The following NCKAP5 variants were observed in gnomAD, a reference collection of about 807,000 sequenced individuals.
NCKAP5 encodes the protein nck-associated protein 5.
A neutral mutation model predicts 167.0 loss-of-function variants in NCKAP5; 92 were observed. The ratio of observed to expected loss-of-function variants is 0.55; its 90% confidence interval spans 0.47 to 0.66. The LOEUF (loss-of-function observed/expected upper bound fraction) is 0.66. NCKAP5 is among the 30% of genes least tolerant of loss of function. NCKAP5 has a pLI of 0.00. For synonymous variants in NCKAP5, 891 were observed against 877.4 expected (o/e 1.02, Z -0.27); for missense variants, 2,378 against 2,315.0 (o/e 1.03, Z -0.56).
At chr2:133,051,392 T>C (rs957200444) in intron 6 of NCKAP5, among the ~76,000 whole-genome samples, 1 of 152,210 alleles carries the variant, frequency 6.6e-6, no homozygotes, top group Non-Finnish European at 1.5e-5. Flanking sequence ...CCAGAAATTA[T>C]TTTTCATCTC....
chr2:133,133,696 C>A (rs1411452465), intron 5 of NCKAP5, among the ~76,000 whole-genome samples: 1 of 152,056 alleles, frequency 6.6e-6, no homozygotes, highest in Non-Finnish European at 1.5e-5. Flanking sequence ...GCAAACTCTG[C>A]AAAAAATATC....
intron 4 of NCKAP5, among the ~76,000 whole-genome samples, chr2:133,246,266 A>G (rs1395648177): frequency 2.0e-5 from 3 of 152,122 alleles, no homozygotes; most frequent in African/African-American, 7.2e-5. Flanking sequence ...TGGAAAAAAA[A>G]AAAATCACTG....
At chr2:133,172,294 C>A (rs889591235) in intron 5 of NCKAP5, among the ~76,000 whole-genome samples, 10 of 152,168 alleles carry the variant, frequency 6.6e-5, no homozygotes, top group African/African-American at 2.4e-4. Context: ...GAGAACAAAA[C>A]AAATAACCCT....
At chr2:133,463,314 G>A (rs1389292965) in intron 3 of NCKAP5, among the ~76,000 whole-genome samples, 2 of 152,152 alleles carry the variant, frequency 1.3e-5, no homozygotes, top group African/African-American at 4.8e-5. Context: ...GACTCCAGAT[G>A]CATGCATATT....
chr2:133,652,870 C>T, the NCKAP5 span, among the ~76,000 whole-genome samples: 2 of 152,236 alleles, frequency 1.3e-5, no homozygotes, highest in Admixed American at 6.5e-5. Flanking sequence ...TCAGCACTCA[C>T]ACTGACTTTG....
At chr2:133,278,433 C>A (rs2089816032) in intron 4 of NCKAP5, among the ~76,000 whole-genome samples, 1 of 152,110 alleles carries the variant, frequency 6.6e-6, no homozygotes, top group South Asian at 2.1e-4. Context: ...ATGTCTCTTA[C>A]CCTTTTCTGT....
At chr2:133,247,612 T>C (rs2088067075) in intron 4 of NCKAP5, among the ~76,000 whole-genome samples, 1 of 152,192 alleles carries the variant, frequency 6.6e-6, no homozygotes. Context: ...CATCCATGAA[T>C]AGTTAAAGAC....
chr2:133,229,919 G>A (rs2087065888), intron 4 of NCKAP5, among the ~76,000 whole-genome samples: 1 of 151,888 alleles, frequency 6.6e-6, no homozygotes, highest in South Asian at 2.1e-4. Flanking sequence ...CCACGTACCA[G>A]CTCACTGGCT....
At chr2:133,038,846 T>A (rs889796097) in intron 6 of NCKAP5, among the ~76,000 whole-genome samples, 1 of 152,118 alleles carries the variant, frequency 6.6e-6, no homozygotes, top group South Asian at 2.1e-4. Context: ...TAGGTAATAG[T>A]CACAGGTTCT....
At chr2:133,333,933 G>C (rs1559392575) in intron 3 of NCKAP5, 1 of 152,124 alleles carries the variant, frequency 6.6e-6, no homozygotes, top group African/African-American at 2.4e-5. Flanking sequence ...ATATAGAAGG[G>C]AAAAAAATTA....
chr2:133,414,258 T>A (rs1308600021), intron 3 of NCKAP5, among the ~76,000 whole-genome samples: 1 of 152,206 alleles, frequency 6.6e-6, no homozygotes, highest in Non-Finnish European at 1.5e-5. Context: ...GACACAAGGT[T>A]TAACTGGAAC....
chr2:133,236,070 C>CAAAAAAAAAAAA lies in NCKAP5; in HGVS notation c.144-22303_144-22292dup, dbSNP rs527705526. Among the ~76,000 whole-genome samples, 18 of 15,674 alleles carry CAAAAAAAAAAAA rather than the reference C, an allele frequency of 1.1e-3. 1 individual carries two copies. The highest frequency in any genetic ancestry group is 1.8e-3 in the Admixed American group (2 of 1,094). The allele number at this position is 15,674 out of a possible 152,430, so 10.3% of individuals were successfully genotyped here. On this transcript the variant is annotated intron_variant, in intron 4 of 19. Transcript: ENST00000409261. ...GACAAATCAAGACCCTGTCTCAGACCAAAAAAAAAAAAAAAAAAAAAAAAA... is the reference window on the plus strand; with the variant it reads ...GACAAATCAAGACCCTGTCTCAGACCAAAAAAAAAAAAAAAAAAAAAAAAAAAAAAAAAAAAA...
chr2:132,938,025 C>G (rs1696987777), intron 8 of NCKAP5, among the ~76,000 whole-genome samples: 1 of 152,216 alleles, frequency 6.6e-6, no homozygotes, highest in Non-Finnish European at 1.5e-5. Context: ...CTAAACAAAG[C>G]TATTCTATCC....
At position 133,243,103 on chromosome 2, in the gene NCKAP5, T is replaced by C. The variant is rs1335870586; in HGVS notation, c.144-29324A>G. On this transcript the variant is annotated intron_variant, in intron 4 of 19. Transcript: ENST00000409261. Reference sequence around the variant, plus strand: ...TTTGAGAAATCCTTCTTCATACTTATATATATTTTTTAAAAAGGCTAGGAG... The same window carrying C: ...TTTGAGAAATCCTTCTTCATACTTACATATATTTTTTAAAAAGGCTAGGAG... Among the ~76,000 whole-genome samples the C allele has an allele frequency of 4.0e-5, 6 of 150,358 alleles. No individual in the cohort carries two copies. The East Asian group carries it at 7.7e-4, about 19-fold the overall frequency.
intron 3 of NCKAP5, among the ~76,000 whole-genome samples, chr2:133,331,506 C>G (rs1472360727): frequency 6.6e-6 from 1 of 152,186 alleles, no homozygotes; most frequent in Non-Finnish European, 1.5e-5. Context: ...CCCGTTGTTC[C>G]CGTTATGACT....
chr2:133,147,046 A>G (rs1324871300), intron 5 of NCKAP5, among the ~76,000 whole-genome samples: 1 of 152,182 alleles, frequency 6.6e-6, no homozygotes, highest in Non-Finnish European at 1.5e-5. Context: ...CAGACTCCAA[A>G]GTTTTTCACA....
At chr2:132,681,346 CTT>C (rs772868601) in intron 19 of NCKAP5, among the ~76,000 whole-genome samples, 21 of 140,934 alleles carry the variant, frequency 1.5e-4, no homozygotes, top group Admixed American at 1.4e-4. Context: ...ACTGATTAGC[CTT>C]TTTTTTTTTT....
intron 4 of NCKAP5, among the ~76,000 whole-genome samples, chr2:133,267,849 G>C (rs1453604684): frequency 6.6e-6 from 1 of 152,108 alleles, no homozygotes; most frequent in Non-Finnish European, 1.5e-5. Context: ...ATTTGTACTG[G>C]TGATAGATTC....
intron 4 of NCKAP5, among the ~76,000 whole-genome samples, chr2:133,239,527 T>C (rs1392052466): frequency 6.6e-6 from 1 of 152,206 alleles, no homozygotes; most frequent in African/African-American, 2.4e-5. Flanking sequence ...TTTTCTGTTA[T>C]AGAACTAGAC....
Sources: allele counts gnomAD v4.1 joint callset (sites outside exome capture counted in the v4.1 genomes callset), GRCh38; gene constraint gnomAD v4.1.1; transcripts MANE v1.5; gene names NCBI Gene and HGNC (gene_info 2026-07-23, HGNC 2026-07-21).